DHCR7: variants seen among roughly 807,000 people sequenced by gnomAD.
The protein encoded by DHCR7 is 7-DHC reductase.
DHCR7 carries 40 observed loss-of-function variants against 43.3 expected under a neutral mutation model. That is an observed-to-expected ratio of 0.92 (90% CI 0.72 to 1.20). DHCR7 has a LOEUF of 1.20. Ranked by LOEUF, DHCR7 falls within the 50% of genes most tolerant of loss-of-function variation. The probability of loss-of-function intolerance (pLI) is 0.00; values close to 1 mark genes in which losing one functional copy is unlikely to be tolerated. For missense variants in DHCR7, 608 were observed against 644.6 expected (o/e 0.94, Z 0.62); for synonymous variants, 298 against 271.4 (o/e 1.10, Z -0.96).
At chr11:71,429,549 G>A (rs537505685), downstream of DHCR7, among the ~76,000 whole-genome samples, 145 of 152,290 alleles carry the variant, frequency 9.5e-4, no homozygotes, top group African/African-American at 3.3e-3. Context: ...CTGATGGAAC[G>A]TGGCGTGAGG....
At chr11:71,430,577 G>T (rs1366840303), downstream of DHCR7, among the ~76,000 whole-genome samples, 1 of 152,184 alleles carries the variant, frequency 6.6e-6, no homozygotes, top group Non-Finnish European at 1.5e-5. Context: ...AAGGGCAAAG[G>T]GCTAGTGTGA....
At chr11:71,445,409 A>C (rs577287166) in intron 2 of DHCR7, among the ~76,000 whole-genome samples, 1 of 152,298 alleles carries the variant, frequency 6.6e-6, no homozygotes, top group South Asian at 2.1e-4. Context: ...CTCATGTAAA[A>C]TGTCCCCTCC....
downstream of DHCR7, among the ~76,000 whole-genome samples, chr11:71,429,440 C>A (rs1792273): frequency 0.84 from 127,922 of 152,154 alleles, 55,092 homozygotes; most frequent in Non-Finnish European, 0.95. Context: ...GAGACATGCG[C>A]TGAGGCTAAG....
chr11:71,430,436 G>T (rs1014602139), downstream of DHCR7, among the ~76,000 whole-genome samples: 1 of 152,202 alleles, frequency 6.6e-6, no homozygotes, highest in South Asian at 2.1e-4. Context: ...CCAGGTGAGG[G>T]TGCCTGTGAC....
chr11:71,446,221 A>T (rs969255087), intron 2 of DHCR7, among the ~76,000 whole-genome samples: 1 of 151,834 alleles, frequency 6.6e-6, no homozygotes, highest in Admixed American at 6.6e-5. Context: ...GAGCATCCAG[A>T]AAAAAATGAA....
chr11:71,448,992 CGGGAG>C (rs1051394189), upstream of DHCR7: 10 of 152,342 alleles, frequency 6.6e-5, no homozygotes, highest in Admixed American at 4.6e-4. Context: ...TGTGCGAGGA[CGGGAG>C]GGGAGGGAGC....
At chr11:71,438,603 A>G (rs1949314567) in intron 7 of DHCR7, 1 of 530,238 alleles carries the variant, frequency 1.9e-6, no homozygotes, top group Non-Finnish European at 3.4e-6. Context: ...ACACCCCCAG[A>G]TTCTACCCAG....
chr11:71,444,328 G>A, intron 3 of DHCR7, 113 bp from the exon 4 acceptor site: 1 of 869,932 alleles, frequency 1.1e-6, no homozygotes, highest in Non-Finnish European at 1.9e-6. Flanking sequence ...AGTACCCCAT[G>A]ACAGAAGGCA....
chr11:71,441,168 A>G, intron 6 of DHCR7, 59 bp downstream of exon 6: 1 of 1,522,660 alleles, frequency 6.6e-7, no homozygotes, highest in Non-Finnish European at 9.1e-7. Flanking sequence ...GCAGCAAGAA[A>G]GGCCAGGGGT....
chr11:71,446,678 A>G (rs759763784), intron 2 of DHCR7, among the ~76,000 whole-genome samples: 18 of 152,276 alleles, frequency 1.2e-4, no homozygotes, highest in Non-Finnish European at 7.3e-5. Flanking sequence ...AAAAATTTCA[A>G]CGATGAAAGA....
chr11:71,439,766 G>A (rs2135943462), intron 6 of DHCR7, among the ~76,000 whole-genome samples: 1 of 152,314 alleles, frequency 6.6e-6, no homozygotes, highest in Non-Finnish European at 1.5e-5. Flanking sequence ...AGTTCCCTCA[G>A]GTAGGGTAAG....
chr11:71,433,745 G>A (rs1401807726), downstream of DHCR7, among the ~76,000 whole-genome samples: 1 of 152,180 alleles, frequency 6.6e-6, no homozygotes, highest in Non-Finnish European at 1.5e-5. Flanking sequence ...GCAATGTCTG[G>A]GAAGAAAAGG....
At chr11:71,427,952 G>A (rs1949208440), downstream of DHCR7, among the ~76,000 whole-genome samples, 1 of 152,246 alleles carries the variant, frequency 6.6e-6, no homozygotes, top group Non-Finnish European at 1.5e-5. Context: ...CATACTATTT[G>A]TACAACAGTC....
downstream of DHCR7, among the ~76,000 whole-genome samples, chr11:71,432,651 C>T (rs1949235257): frequency 1.3e-5 from 2 of 152,308 alleles, no homozygotes; most frequent in South Asian, 2.1e-4. Context: ...ATCTCAGAAA[C>T]TTATTCTCCT....
At chr11:71,441,490 G>C (rs1051516505) in intron 5 of DHCR7, 50 bp from the exon 6 acceptor site, 2 of 1,473,220 alleles carry the variant, frequency 1.4e-6, no homozygotes, top group Non-Finnish European at 1.9e-6. Flanking sequence ...CCCGCAGTGA[G>C]GAGCTTGGCT....
downstream of DHCR7, among the ~76,000 whole-genome samples, chr11:71,433,368 G>A (rs1195826275): frequency 6.6e-6 from 1 of 152,230 alleles, no homozygotes; most frequent in Non-Finnish European, 1.5e-5. Flanking sequence ...CAGAGCCTGG[G>A]CCACAGCCTT....
At chr11:71,430,981 C>T (rs1949225128), downstream of DHCR7, among the ~76,000 whole-genome samples, 1 of 152,206 alleles carries the variant, frequency 6.6e-6, no homozygotes, top group African/African-American at 2.4e-5. Context: ...ATGGAGAAAC[C>T]CAGTCTCTAC....
intron 8 of DHCR7, 141 bp downstream of exon 8, chr11:71,437,671 T>C (rs767896504): frequency 5.6e-6 from 7 of 1,253,178 alleles, no homozygotes; most frequent in Non-Finnish European, 7.8e-6. Flanking sequence ...CTGGCTGAGC[T>C]GGCTAATACA....
At chr11:71,440,280 C>T (rs1949334570) in intron 6 of DHCR7, among the ~76,000 whole-genome samples, 1 of 152,134 alleles carries the variant, frequency 6.6e-6, no homozygotes, top group Non-Finnish European at 1.5e-5. Context: ...ATTCCTTCCC[C>T]TCGGCACATG....
Sources: gnomAD v4.1 joint callset for allele counts (sites outside exome capture counted in the v4.1 genomes callset) on GRCh38, gnomAD v4.1.1 for gene constraint, MANE v1.5 for transcripts, NCBI Gene and HGNC (gene_info 2026-07-23, HGNC 2026-07-21) for gene names.